PKD1: variants seen among roughly 807,000 people sequenced by gnomAD.
The protein encoded by PKD1 is polycystin 1, transient receptor potential channel interacting.
A neutral mutation model predicts 361.7 loss-of-function variants in PKD1; 81 were observed. The ratio of observed to expected loss-of-function variants is 0.22; its 90% CI spans 0.19 to 0.27. The LOEUF is 0.27. Ranked by LOEUF, PKD1 falls within the 10% of genes least tolerant of loss-of-function variation. The probability of loss-of-function intolerance (pLI) is 1.00; values close to 1 mark genes in which losing one functional copy is unlikely to be tolerated. For synonymous variants in PKD1, 3,615 were observed against 2,818.3 expected (o/e 1.28, Z -8.95); for missense variants, 6,399 against 6,118.3 (o/e 1.05, Z -1.53).
intron 10 of PKD1, 36 bp from the exon 11 acceptor site, chr16:2,114,961 A>G: frequency 6.6e-7 from 1 of 1,526,174 alleles, no homozygotes; most frequent in Non-Finnish European, 8.8e-7. Flanking sequence ...TCACGTCCTC[A>G]CGGTCATGGC....
chr16:2,090,986 C>A lies in PKD1; in HGVS notation c.11901G>T (p.Val3967=). ...GAADRQWTRF[V]RGRPRRFTSF... Reference sequence around the variant, plus strand: ...TAGTGAAGCGGCGCGGGCGGCCGCGCACGAAACGGGTCCACTGGCGGTCAG... The same window carrying A: ...TAGTGAAGCGGCGCGGGCGGCCGCGAACGAAACGGGTCCACTGGCGGTCAG... Residue 3967 remains valine (V), a synonymous_variant, in exon 43 of 46, where the codon GTG becomes GTT. Transcript: ENST00000262304. The A allele has an allele frequency of 6.5e-7, 1 of 1,536,536 alleles. No individual in the cohort carries two copies. Among genetic ancestry groups the A allele is most frequent in the Non-Finnish European group, 8.7e-7 (1 of 1,147,102 alleles).
intron 1 of PKD1, among the ~76,000 whole-genome samples, chr16:2,131,638 G>A (rs2092881254): frequency 6.6e-6 from 1 of 151,660 alleles, no homozygotes; most frequent in Non-Finnish European, 1.5e-5. Context: ...GACCAACATG[G>A]TGAAACCCCA....
Position 2,109,597 on chromosome 16 carries a change from G to A in PKD1, c.5570C>T (p.Pro1857Leu), listed in dbSNP as rs370941778. ...CCGGATGGAGAAGGTGCCAGCATCC[G>A]GGAAGACCATGGTGACATGAGGGCC... ...KRGPHVTMVF[P>L]DAGTFSIRLN... Residue 1857 changes from proline to leucine, a missense_variant, in exon 15 of 46, where the codon CCG (proline) becomes CTG (leucine). Physicochemically the swap from Pro to Leu is moderately conservative, Grantham distance 98. Transcript: ENST00000262304. The A allele has an allele frequency of 2.5e-5, 41 of 1,610,934 alleles. No homozygotes were observed. The Middle Eastern group carries it at 6.9e-4, about 27-fold the overall frequency.
At position 2,118,069 on chromosome 16, in the gene PKD1, C is replaced by T. The variant is rs1342418622; in HGVS notation, c.923G>A (p.Gly308Glu). ...LPVTATRWDF[G>E]DGSAEVDAAG... ...GGCATCCACCTCGGCGGAGCCGTCT[C>T]CGAAGTCCCAGCGTGTGGCAGTGAC... The change falls in exon 5 of 46, where the codon GGA (glycine) becomes GAA (glutamate). Residue 308 changes from glycine (G) to glutamate (E), a missense_variant. Gly to Glu is a moderately conservative substitution (Grantham distance 98, BLOSUM62 -2). Coordinates refer to ENST00000262304, the MANE Select transcript of PKD1 (RefSeq NM_001009944.3). The surrounding 1 kb of genome is among the most constrained non-coding windows in gnomAD (Gnocchi z 6.0). The T allele has an allele frequency of 6.2e-7, 1 of 1,606,366 alleles. No homozygotes were observed.
Position 2,103,724 on chromosome 16 carries a change from C to G in PKD1, c.8333G>C (p.Gly2778Ala). The part of the protein sequence containing the change: ...VLNEEPLTLA[G>A]EEIVAQGKRS... The stretch of plus-strand genomic sequence containing the variant: ...CTTGCCCTGGGCCACGATCTCCTCG[C>G]CCGCCAGCGTCAGGGGCTCCTCGTT... The change falls in exon 23 of 46, where the codon GGC becomes GCC. Residue 2778 changes from glycine to alanine, a missense_variant. Gly to Ala is a moderately conservative substitution (Grantham distance 60, BLOSUM62 0). Coordinates refer to ENST00000262304, the MANE Select transcript of PKD1 (RefSeq NM_001009944.3). 1 of 1,610,016 alleles carries G rather than the reference C, an allele frequency of 6.2e-7. No individual in the cohort carries two copies. Among genetic ancestry groups the G allele is most frequent in the Non-Finnish European group, 8.5e-7 (1 of 1,179,588 alleles).
Position 2,106,612 on chromosome 16 carries a change from GC to G in PKD1, c.7274del (p.Gly2425AlafsTer195), listed in dbSNP as rs1567186399. 1 of 1,598,280 alleles carries G rather than the reference GC, an allele frequency of 6.3e-7. No homozygotes were observed. Among genetic ancestry groups the G allele is most frequent in the African/African-American group, 1.3e-5 (1 of 74,802 alleles). On this transcript the variant is annotated frameshift_variant, in exon 18 of 46. Transcript: ENST00000262304. LOFTEE classifies it high-confidence loss of function. The surrounding 1 kb of genome is among the most constrained non-coding windows in gnomAD (Gnocchi z 6.5). ...LVLDETTTST[G>X]SAGMRLVLRR... ...GCAGCACCAGTCGCATGCCTGCACT[GC>G]CCGTGGATGTGGTGGTCTCATCCAG...
intron 38 of PKD1, 105 bp from the exon 39 acceptor site, chr16:2,092,697 C>G (rs776639595): frequency 7.7e-6 from 7 of 912,516 alleles, no homozygotes; most frequent in Non-Finnish European, 1.2e-5. Context: ...GCCCTGCTGG[C>G]CACGGCTAGA....
At chr16:2,113,018 T>C (rs879158297) in intron 12 of PKD1, 55 bp from the exon 13 acceptor site, 14 of 1,524,654 alleles carry the variant, frequency 9.2e-6, no homozygotes, top group African/African-American at 1.4e-5. Flanking sequence ...CTGGCCCTGA[T>C]TGGCGTCCCT....
rs267604450 is a variant in PKD1, at chr16:2,103,621, G to A, written c.8436C>T (p.Phe2812=). The change falls in exon 23 of 46, where the codon TTC becomes TTT. Residue 2812 remains phenylalanine, a synonymous_variant. Coordinates refer to ENST00000262304, the MANE Select transcript of PKD1 (RefSeq NM_001009944.3). The stretch of plus-strand genomic sequence containing the variant: ...CACTGAGGTTGGCCAGGGCCCCGCT[G>A]AAAGCCTCGGGGATGGAGAAGTGGC... ...PGCHFSIPEA[F]SGALANLSDV... The A allele has an allele frequency of 1.6e-5, 25 of 1,610,392 alleles. No homozygotes were observed. The East Asian group carries it at 1.6e-4, about 10-fold the overall frequency.
In PKD1 at chr16:2,104,525, T is replaced by C. The variant is rs778862620; in HGVS notation, c.8134A>G (p.Ile2712Val). 48 of 1,561,082 alleles carry C rather than the reference T, an allele frequency of 3.1e-5. No individual in the cohort carries two copies. In the South Asian group the frequency reaches 4.8e-4, roughly 15 times the overall value. ...GTGATGTTGAGGATGCTGTCTCCGA[T>C]GGCGGTGGGCGTCACGGTGCCCGCG... ...TTAGTVTPTA[I>V]GDSILNITGD... is the part of the protein sequence containing the mutation. The change falls in exon 22 of 46, where the codon ATC (isoleucine) becomes GTC (valine). Residue 2712 changes from isoleucine to valine, a missense_variant. Transcript: ENST00000262304.
At position 2,102,181 on chromosome 16, in the gene PKD1, C is replaced by T. The variant is rs111458906; in HGVS notation, c.9277G>A (p.Ala3093Thr). 2.7e-5 allele frequency: 41 copies of T among 1,525,322 alleles called. No individual in the cohort carries two copies. The Admixed American group carries it at 4.6e-4, about 17-fold the overall frequency. The allele number at this position is 1,525,322 out of a possible 1,614,324, so 94.5% of individuals were successfully genotyped here. A position where few individuals can be genotyped will look rare whatever the true frequency, so the allele number is the denominator to read the frequency against. ...VCLVTYMVMAAILHKLDQLDA... is the reference protein window; with the variant it reads ...VCLVTYMVMATILHKLDQLDA... ...AACTGGTCCAGCTTGTGCAGGATGG[C>T]GGCCATGACCATGTAGGTCACCAGG... The change falls in exon 26 of 46, where the codon GCC becomes ACC. Residue 3093 changes from alanine (A) to threonine (T), a missense_variant. Coordinates refer to ENST00000262304, the MANE Select transcript of PKD1 (RefSeq NM_001009944.3).
chr16:2,108,726 C>G lies in PKD1; in HGVS notation c.6441G>C (p.Arg2147=). The change falls in exon 15 of 46, where the codon CGG becomes CGC. Residue 2147 remains arginine (R), a synonymous_variant. Coordinates refer to ENST00000262304, the MANE Select transcript of PKD1 (RefSeq NM_001009944.3). ...ATVTVQVLAC[R]EPEVDVVLPL... ...GCAGGACCACGTCCACCTCCGGCTC[C>G]CGGCAGGCCAGCACCTGGACGGTCA... is the stretch of plus-strand genomic sequence containing the variant. The G allele has an allele frequency of 1.3e-6, 2 of 1,571,716 alleles. No homozygotes were observed. The highest frequency in any genetic ancestry group is 8.6e-7 in the Non-Finnish European group (1 of 1,159,548).
In PKD1 at chr16:2,108,967, T is replaced by C. The variant is rs368629854; in HGVS notation, c.6200A>G (p.Gln2067Arg). 125 of 1,609,526 alleles carry C rather than the reference T, an allele frequency of 7.8e-5. No homozygotes were observed. The highest frequency in any genetic ancestry group is 1.0e-4 in the Non-Finnish European group (120 of 1,179,226). Residue 2067 changes from glutamine to arginine, a missense_variant, in exon 15 of 46, where the codon CAG (glutamine) becomes CGG (arginine). Physicochemically the swap from Gln to Arg is conservative, Grantham distance 43. Transcript: ENST00000262304. ...VQDAVQYVAL[Q>R]SGPCFTNRSA... ...GCGGTTGGTGAAGCAGGGGCCGCTC[T>C]GCAGGGCCACATACTGGACGGCGTC... is the stretch of plus-strand genomic sequence containing the variant.
At chr16:2,126,013 G>A (rs1297099667) in intron 1 of PKD1, among the ~76,000 whole-genome samples, 1 of 152,060 alleles carries the variant, frequency 6.6e-6, no homozygotes, top group Non-Finnish European at 1.5e-5. Context: ...GTGGGGGGGG[G>A]GGCAAGCAAA....
In PKD1 at chr16:2,117,984, C is replaced by A; in HGVS notation, c.1008G>T (p.Val336=). 1 of 1,555,816 alleles carries A rather than the reference C, an allele frequency of 6.4e-7. No individual in the cohort carries two copies. ...GGGCTGAGCCGGCCCCCAGGGCCAG[C>A]ACGGCCGTCACGTGATAGCGCCCAG... ...VLPGRYHVTA[V]LALGAGSALL... The change falls in exon 5 of 46, where the codon GTG becomes GTT. Residue 336 remains valine, a synonymous_variant. Transcript: ENST00000262304.
chr16:2,095,239 C>G (rs1158777799), intron 34 of PKD1: 1 of 152,258 alleles, frequency 6.6e-6, no homozygotes, highest in East Asian at 1.9e-4. Context: ...GAAACCTCCT[C>G]TCTACTAAAA....
chr16:2,088,743 CTTGGTGCGGGGG>C lies in PKD1; in HGVS notation c.*972_*983del. 1 of 1,280,618 alleles carries C rather than the reference CTTGGTGCGGGGG, an allele frequency of 7.8e-7. No individual in the cohort carries two copies. The highest frequency in any genetic ancestry group is 2.2e-5 in the Admixed American group (1 of 45,252). 79.3% of individuals were successfully genotyped at this position (1,280,618 alleles called of 1,614,324 possible). A position where few individuals can be genotyped will look rare whatever the true frequency, so the allele number is the denominator to read the frequency against. On this transcript the variant is annotated 3_prime_UTR_variant, in exon 46 of 46. Coordinates refer to ENST00000262304, the MANE Select transcript of PKD1 (RefSeq NM_001009944.3). ...ACAGCTCTTTTATTGACTTTGTCTG[CTTGGTGCGGGGG>C]TTGGGGGGGTGTCGAGGCTCTAGAA...
Position 2,103,811 on chromosome 16 carries a change from G to C in PKD1, c.8246C>G (p.Ala2749Gly). The C allele has an allele frequency of 6.2e-7, 1 of 1,609,164 alleles. No individual in the cohort carries two copies. Among genetic ancestry groups the C allele is most frequent in the Non-Finnish European group, 8.5e-7 (1 of 1,179,354 alleles). ...AGAGGTCAGGTTGTAGGCCTGGGAC[G>C]CCACCATCCGAGATGGTGACTCGGC... ...LGAESPSRMV[A>G]SQAYNLTSAL... The change falls in exon 23 of 46, where the codon GCG (alanine) becomes GGG (glycine). Residue 2749 changes from alanine (A) to glycine (G), a missense_variant. Physicochemically the swap from Ala to Gly is moderately conservative, Grantham distance 60. Coordinates refer to ENST00000262304, the MANE Select transcript of PKD1 (RefSeq NM_001009944.3).
chr16:2,099,804 C>T (rs1199393728), intron 29 of PKD1, 34 bp from the exon 30 acceptor site: 1 of 1,554,950 alleles, frequency 6.4e-7, no homozygotes, highest in African/African-American at 1.4e-5. Flanking sequence ...ACAGGTGAGG[C>T]TGAGGGGCAG....
Sources: allele counts gnomAD v4.1 joint callset (sites outside exome capture counted in the v4.1 genomes callset), GRCh38; gene constraint gnomAD v4.1.1; non-coding constraint Gnocchi (gnomAD v3.1); transcripts MANE v1.5; gene names NCBI Gene and HGNC (gene_info 2026-07-23, HGNC 2026-07-21).